MACROD1: variants seen among roughly 807,000 people sequenced by gnomAD.
The protein encoded by MACROD1 is mono-ADP ribosylhydrolase 1, also known as ADP-ribose glycohydrolase MACROD1.
A neutral mutation model predicts 41.4 loss-of-function variants in MACROD1; 31 were observed. The observed-to-expected ratio is 0.75, with a 90% CI of 0.56 to 1.01. MACROD1 has a LOEUF of 1.01. Ranked by LOEUF, MACROD1 falls within the 50% of genes least tolerant of loss-of-function variation. The probability of loss-of-function intolerance (pLI) is 0.00; values close to 1 mark genes in which losing one functional copy is unlikely to be tolerated. For missense variants in MACROD1, 473 were observed against 460.0 expected, an observed-to-expected ratio of 1.03 and a Z score of -0.26; for synonymous variants, 252 against 203.4, an observed-to-expected ratio of 1.24 and a Z score of -2.03.
intron 3 of MACROD1, among the ~76,000 whole-genome samples, chr11:64,058,403 T>C (rs1943831958): frequency 6.6e-6 from 1 of 151,276 alleles, no homozygotes. Flanking sequence ...GAGGAGGGCT[T>C]GGGGGGGGGT....
intron 3 of MACROD1, among the ~76,000 whole-genome samples, chr11:64,042,288 C>A (rs1347549221): frequency 6.6e-6 from 1 of 152,142 alleles, no homozygotes; most frequent in East Asian, 1.9e-4. Flanking sequence ...TCACCCCCAC[C>A]TCTGGAAGCT....
At chr11:64,047,812 G>A (rs1035847055) in intron 3 of MACROD1, among the ~76,000 whole-genome samples, 3 of 150,942 alleles carry the variant, frequency 2.0e-5, no homozygotes, top group African/African-American at 4.9e-5. Context: ...CAGGAGAATC[G>A]CTTGAACCTG....
intron 1 of MACROD1, among the ~76,000 whole-genome samples, chr11:64,153,810 T>C (rs1945622344): frequency 6.6e-6 from 1 of 152,132 alleles, no homozygotes; most frequent in Non-Finnish European, 1.5e-5. Flanking sequence ...GAGTAGGTCC[T>C]GCATTCAGTA....
chr11:64,039,727 C>T (rs1720923898), intron 3 of MACROD1, among the ~76,000 whole-genome samples: 1 of 152,212 alleles, frequency 6.6e-6, no homozygotes, highest in African/African-American at 2.4e-5. Flanking sequence ...TCGCTCGAGG[C>T]CCCCAGAGCA....
intron 1 of MACROD1, among the ~76,000 whole-genome samples, chr11:64,155,827 G>A (rs961535612): frequency 3.3e-5 from 5 of 152,014 alleles, no homozygotes; most frequent in Non-Finnish European, 5.9e-5. Flanking sequence ...TCAGCTGAGC[G>A]GCCGGGCATG....
chr11:64,020,108 G>A (rs1038607190), intron 3 of MACROD1, among the ~76,000 whole-genome samples: 1 of 152,152 alleles, frequency 6.6e-6, no homozygotes, highest in Admixed American at 6.5e-5. Flanking sequence ...CAAAGACAAT[G>A]TTATCAGATA....
intron 3 of MACROD1, among the ~76,000 whole-genome samples, chr11:64,025,884 T>C (rs1213420198): frequency 3.9e-5 from 6 of 151,966 alleles, no homozygotes; most frequent in Admixed American, 1.3e-4. Context: ...CACATCCGGC[T>C]AATTTTAAAA....
intron 4 of MACROD1, among the ~76,000 whole-genome samples, chr11:64,000,801 G>A (rs1942812245): frequency 6.6e-6 from 1 of 152,146 alleles, no homozygotes. Context: ...GCGTCGGTGC[G>A]ATCCCAAGGC....
chr11:64,148,875 G>T, intron 3 of MACROD1: 1 of 985,544 alleles, frequency 1.0e-6, no homozygotes, highest in African/African-American at 1.7e-5. Flanking sequence ...GACCCTGGAG[G>T]CCTGACCAGT....
intron 3 of MACROD1, among the ~76,000 whole-genome samples, chr11:64,086,217 C>G (rs1346756686): frequency 6.6e-6 from 1 of 152,168 alleles, no homozygotes; most frequent in African/African-American, 2.4e-5. Context: ...GGGCTTAGCT[C>G]AGAGCCCACC....
chr11:64,148,584 T>C (rs1361473962), intron 3 of MACROD1, among the ~76,000 whole-genome samples: 1 of 152,180 alleles, frequency 6.6e-6, no homozygotes, highest in Non-Finnish European at 1.5e-5. Context: ...GGCTCCGTGG[T>C]AGGCACTGAG....
intron 3 of MACROD1, among the ~76,000 whole-genome samples, chr11:64,061,008 C>G (rs565009849): frequency 6.6e-6 from 1 of 152,158 alleles, no homozygotes; most frequent in Non-Finnish European, 1.5e-5. Flanking sequence ...CTTCCCCGAC[C>G]CAGGCATCCT....
chr11:64,065,647 A>G (rs368860588), intron 3 of MACROD1, among the ~76,000 whole-genome samples: 17 of 151,912 alleles, frequency 1.1e-4, no homozygotes, highest in Non-Finnish European at 2.2e-4. Context: ...AAAATTAGCC[A>G]GGCATGGTGG....
intron 3 of MACROD1, among the ~76,000 whole-genome samples, chr11:64,134,355 C>T (rs1402306128): frequency 6.6e-6 from 1 of 152,180 alleles, no homozygotes; most frequent in Non-Finnish European, 1.5e-5. Flanking sequence ...CAGCATTCCC[C>T]CAGTGAGAGG....
intron 3 of MACROD1, among the ~76,000 whole-genome samples, chr11:64,068,690 C>T (rs1197837787): frequency 6.6e-6 from 1 of 152,232 alleles, no homozygotes; most frequent in Non-Finnish European, 1.5e-5. Flanking sequence ...CCTGATCTCA[C>T]GTGTCTGTCT....
At chr11:64,074,529 C>T (rs541508748) in intron 3 of MACROD1, among the ~76,000 whole-genome samples, 45 of 152,336 alleles carry the variant, frequency 3.0e-4, no homozygotes, top group African/African-American at 9.6e-4. Context: ...CCTAAGGTCA[C>T]GCAGCAAATA....
At chr11:64,059,586 G>GGT (rs928768195) in intron 3 of MACROD1, among the ~76,000 whole-genome samples, 8 of 152,208 alleles carry the variant, frequency 5.3e-5, no homozygotes, top group Admixed American at 1.3e-4. Flanking sequence ...GAGGCTGGAA[G>GGT]GTGTGTGTGC....
rs1943705548 is a variant in MACROD1, at chr11:64,052,039, TA to T, written c.518-36759del. 4.6e-5 allele frequency among the ~76,000 whole-genome samples: 7 copies of T among 150,618 alleles called. No individual in the cohort carries two copies. In the South Asian group the frequency reaches 1.3e-3, roughly 27 times the overall value. On this transcript the variant is annotated intron_variant, in intron 3 of 10. Coordinates refer to ENST00000255681, the MANE Select transcript of MACROD1 (RefSeq NM_014067.4). ...CTTGCTAATGAACTTGGCTGGTATC[TA>T]GGGGGGCATTTTGGGAAGGAGGAAG...
chr11:64,033,796 G>A (rs754042734), intron 3 of MACROD1, among the ~76,000 whole-genome samples: 110 of 152,092 alleles, frequency 7.2e-4, no homozygotes, highest in Non-Finnish European at 1.1e-3. Context: ...AGCTGAGATC[G>A]TGCCATTGCA....
Sources: gnomAD v4.1 joint callset for allele counts (sites outside exome capture counted in the v4.1 genomes callset) on GRCh38, gnomAD v4.1.1 for gene constraint, MANE v1.5 for transcripts, NCBI Gene and HGNC (gene_info 2026-07-23, HGNC 2026-07-21) for gene names.